Variants in TOR1AIP1 observed in about 807,000 individuals in gnomAD.
The protein encoded by TOR1AIP1 is torsin-1A-interacting protein 1.
Under a neutral mutation model 63.3 loss-of-function variants are expected in TOR1AIP1, and 54 were observed. The observed-to-expected ratio is 0.85, with a 90% CI of 0.69 to 1.07. The LOEUF (loss-of-function observed/expected upper bound fraction) is 1.07. Ranked by LOEUF, TOR1AIP1 falls within the 50% of genes least tolerant of loss-of-function variation. The probability of loss-of-function intolerance (pLI) is 0.00; values close to 1 mark genes in which losing one functional copy is unlikely to be tolerated. For missense variants in TOR1AIP1, 736 were observed against 715.0 expected (o/e 1.03, Z -0.33); for synonymous variants, 294 against 273.5 (o/e 1.07, Z -0.74).
chr1:179,882,610 T>A lies in TOR1AIP1; in HGVS notation c.108T>A (p.Asn36Lys). ...REGRGRLAPQ[N>K]GGSSDAPAYR... ...GAAGGGGCCGGCTCGCCCCTCAAAA[T>A]GGCGGCAGCAGCGATGCGCCTGCGT... Residue 36 changes from asparagine (N) to lysine (K), a missense_variant, in exon 1 of 10, where the codon AAT (asparagine) becomes AAA (lysine). This residue lies in a region of TOR1AIP1 where 464 missense variants were observed against 371.0 expected (regional missense o/e 1.25). Coordinates refer to ENST00000606911, the MANE Select transcript of TOR1AIP1 (RefSeq NM_015602.4). The A allele has an allele frequency of 6.6e-7, 1 of 1,525,656 alleles. No homozygotes were observed. 94.5% of individuals were successfully genotyped at this position (1,525,656 alleles called of 1,614,324 possible). A position where few individuals can be genotyped will look rare whatever the true frequency, so the allele number is the denominator to read the frequency against.
intron 8 of TOR1AIP1, among the ~76,000 whole-genome samples, chr1:179,911,725 T>C (rs1022917486): frequency 3.9e-5 from 6 of 152,244 alleles, no homozygotes; most frequent in Non-Finnish European, 7.3e-5. Flanking sequence ...ACTTAACCTT[T>C]GTGAACCTCA....
In TOR1AIP1 at chr1:179,917,982, G is replaced by A. The variant is rs2148484301; in HGVS notation, c.1495G>A (p.Glu499Lys). The change falls in exon 10 of 10, where the codon GAA (glutamate) becomes AAA (lysine). Residue 499 changes from glutamate (E) to lysine (K), a missense_variant. Around this residue, in one of 2 missense-constraint regions of TOR1AIP1, gnomAD observed 272 missense variants for 344.1 expected, o/e 0.79. Coordinates refer to ENST00000606911, the MANE Select transcript of TOR1AIP1 (RefSeq NM_015602.4). Reference protein sequence around the residue: ...TLIFYKYCDHENAAFKDVALV... With the variant: ...TLIFYKYCDHKNAAFKDVALV... ...GATCTTCTACAAATATTGTGACCAT[G>A]AAAACGCGGCCTTCAAAGATGTAGC... 6.2e-7 allele frequency: 1 copy of A among 1,614,218 alleles called. No homozygotes were observed. The highest frequency in any genetic ancestry group is 1.1e-5 in the South Asian group (1 of 91,086).
Position 179,882,501 on chromosome 1 carries a change from C to T in TOR1AIP1, c.-2C>T, listed in dbSNP as rs1456633593. The T allele has an allele frequency of 2.7e-6, 4 of 1,454,706 alleles. No homozygotes were observed. The highest frequency in any genetic ancestry group is 3.6e-6 in the Non-Finnish European group (4 of 1,103,400). 90.1% of individuals were successfully genotyped at this position (1,454,706 alleles called of 1,614,324 possible). ...CGATCGACTAAAGCTACGTCAACAA[C>T]TATGGCGGGCGACGGGCGGCGGGCA... On this transcript the variant is annotated 5_prime_UTR_variant, in exon 1 of 10. Transcript: ENST00000606911.
At chr1:179,888,041 A>G (rs1254003293) in intron 2 of TOR1AIP1, 2 of 152,236 alleles carry the variant, frequency 1.3e-5, no homozygotes, top group African/African-American at 4.8e-5. Flanking sequence ...GGATATGTAT[A>G]TAGTAGCACA....
rs189589441 is a variant in TOR1AIP1, at chr1:179,908,703, A to G, written c.907+30A>G. Reference sequence around the variant, plus strand: ...GTAGATAAATCTCTGTTATTGAAATAATCTTGTGTATTTGCTATGTTTTTC... The same window carrying G: ...GTAGATAAATCTCTGTTATTGAAATGATCTTGTGTATTTGCTATGTTTTTC... On this transcript the variant is annotated intron_variant, in intron 8 of 9. Coordinates refer to ENST00000606911, the MANE Select transcript of TOR1AIP1 (RefSeq NM_015602.4). 5.5e-4 allele frequency: 868 copies of G among 1,570,840 alleles called. 3 individuals are homozygous for G. The highest frequency in any genetic ancestry group is 3.2e-5 in the Non-Finnish European group (37 of 1,146,302).
At chr1:179,892,880 AT>A (rs202046012) in intron 3 of TOR1AIP1, among the ~76,000 whole-genome samples, 2,486 of 152,164 alleles carry the variant, frequency 0.016, 80 homozygotes, top group African/African-American at 0.057. Context: ...ATTTAAATTC[AT>A]TTTTTTGTGT....
chr1:179,907,428 C>CAA (rs765148475), intron 6 of TOR1AIP1, among the ~76,000 whole-genome samples: 6 of 50,682 alleles, frequency 1.2e-4, no homozygotes, highest in East Asian at 6.0e-4. Context: ...GACCCTGTCT[C>CAA]AAAAAAAAAA....
At chr1:179,898,740 T>TA (rs1182123576) in intron 3 of TOR1AIP1, among the ~76,000 whole-genome samples, 2 of 152,040 alleles carry the variant, frequency 1.3e-5, no homozygotes, top group Non-Finnish European at 2.9e-5. Context: ...ATTAAAATCT[T>TA]AAAAAAAATT....
chr1:179,886,370 A>G (rs906361045), intron 2 of TOR1AIP1, among the ~76,000 whole-genome samples: 1 of 152,184 alleles, frequency 6.6e-6, no homozygotes, highest in Non-Finnish European at 1.5e-5. Flanking sequence ...CATATTTAAG[A>G]ACTGCTAATG....
At chr1:179,902,090 A>G (rs12144991) in intron 5 of TOR1AIP1, among the ~76,000 whole-genome samples, 18,447 of 145,346 alleles carry the variant, frequency 0.13, 1,195 homozygotes, top group Middle Eastern at 0.21. Context: ...CAGTGGCGCA[A>G]TGTCGGCTCA....
At chr1:179,883,298 A>G (rs549379143) in intron 1 of TOR1AIP1, among the ~76,000 whole-genome samples, 206 of 152,308 alleles carry the variant, frequency 1.4e-3, no homozygotes, top group African/African-American at 4.7e-3. Context: ...GGGACAGCGA[A>G]TTACTGCAGG....
chr1:179,907,919 T>C, intron 7 of TOR1AIP1, 55 bp downstream of exon 7: 1 of 1,234,090 alleles, frequency 8.1e-7, no homozygotes. Flanking sequence ...TTCTCTTTTT[T>C]TTTTTTTTTT....
chr1:179,890,658 C>T (rs1021130200), intron 3 of TOR1AIP1, among the ~76,000 whole-genome samples: 3 of 151,806 alleles, frequency 2.0e-5, no homozygotes, highest in East Asian at 3.9e-4. Flanking sequence ...AGTGCGGTGG[C>T]GTGATCTTGG....
At chr1:179,897,994 C>G (rs558440975) in intron 3 of TOR1AIP1, among the ~76,000 whole-genome samples, 1 of 151,820 alleles carries the variant, frequency 6.6e-6, no homozygotes, top group Non-Finnish European at 1.5e-5. Flanking sequence ...CCCAACTACT[C>G]AGGAGGCTGA....
intron 3 of TOR1AIP1, among the ~76,000 whole-genome samples, chr1:179,889,836 A>G (rs144163752): frequency 1.3e-5 from 2 of 152,150 alleles, no homozygotes; most frequent in African/African-American, 2.4e-5. Flanking sequence ...TATCTTTTGT[A>G]GAGATGGGGT....
At chr1:179,893,305 A>T (rs1003409327) in intron 3 of TOR1AIP1, among the ~76,000 whole-genome samples, 1 of 152,070 alleles carries the variant, frequency 6.6e-6, no homozygotes, top group Admixed American at 6.6e-5. Flanking sequence ...CTTTATAGTA[A>T]TGTTAGTACA....
In TOR1AIP1 at chr1:179,882,860, G is replaced by T. The variant is rs1472497370; in HGVS notation, c.358G>T (p.Glu120Ter). The change falls in exon 1 of 10, where the codon GAG becomes TAG. Residue 120 changes from glutamate (E) to a stop codon, truncating the protein, a stop_gained. Coordinates refer to ENST00000606911, the MANE Select transcript of TOR1AIP1 (RefSeq NM_015602.4). LOFTEE classifies it high-confidence loss of function. ...GAGGCAGCCGCGACCCCAGGAAACCGAGGAAATGAAGACGCGAAGGACTAC... is the reference window on the plus strand; with the variant it reads ...GAGGCAGCCGCGACCCCAGGAAACCTAGGAAATGAAGACGCGAAGGACTAC... ...QRRQPRPQET[E>*]EMKTRRTTRL... 1 of 1,614,216 alleles carries T rather than the reference G, an allele frequency of 6.2e-7. No homozygotes were observed. The highest frequency in any genetic ancestry group is 8.5e-7 in the Non-Finnish European group (1 of 1,180,038).
At position 179,913,986 on chromosome 1, in the gene TOR1AIP1, T is replaced by G; in HGVS notation, c.908-12T>G. 6.2e-7 allele frequency: 1 copy of G among 1,611,468 alleles called. No homozygotes were observed. Among genetic ancestry groups the G allele is most frequent in the Non-Finnish European group, 8.5e-7 (1 of 1,178,164 alleles). ...TAAGTTGATAGTCTTATTTTATTAC[T>G]CTCACCATTAGATGACAGCATTCTG... On this transcript the variant is annotated splice_polypyrimidine_tract_variant and intron_variant, in intron 8 of 9. Transcript: ENST00000606911.
In TOR1AIP1 at chr1:179,908,948, G is replaced by A. The variant is rs555787781; in HGVS notation, c.907+275G>A. Reference sequence around the variant, plus strand: ...TGGGAGGCCGAGGTGGGTGGATCACGAGGTCAGGAGATCGAGACCATCCTG... The same window carrying A: ...TGGGAGGCCGAGGTGGGTGGATCACAAGGTCAGGAGATCGAGACCATCCTG... On this transcript the variant is annotated intron_variant, in intron 8 of 9. Coordinates refer to ENST00000606911, the MANE Select transcript of TOR1AIP1 (RefSeq NM_015602.4). 7.9e-5 allele frequency among the ~76,000 whole-genome samples: 12 copies of A among 152,270 alleles called. No homozygotes were observed. In the East Asian group the frequency reaches 1.5e-3, roughly 20 times the overall value.
Sources: allele counts gnomAD v4.1 joint callset (sites outside exome capture counted in the v4.1 genomes callset), GRCh38; gene constraint gnomAD v4.1.1; regional missense constraint gnomAD v4.1.1; transcripts MANE v1.5; gene names NCBI Gene and HGNC (gene_info 2026-07-23, HGNC 2026-07-21).